SH3RF2: variants seen among roughly 807,000 people sequenced by gnomAD.
SH3RF2 encodes E3 ubiquitin-protein ligase SH3RF2.
A neutral mutation model predicts 59.0 loss-of-function variants in SH3RF2; 43 were observed. The ratio of observed to expected loss-of-function variants is 0.73; its 90% CI spans 0.57 to 0.94. SH3RF2 has a LOEUF of 0.94. Among genes scored for constraint, SH3RF2 ranks in the 40% least tolerant of loss-of-function variants. The probability of loss-of-function intolerance (pLI) is 0.00; values close to 1 mark genes in which losing one functional copy is unlikely to be tolerated. For synonymous variants in SH3RF2, 391 were observed against 391.5 expected, an observed-to-expected ratio of 1.00 and a Z score of 0.01; for missense variants, 930 against 940.1, an observed-to-expected ratio of 0.99 and a Z score of 0.14.
At chr5:145,968,953 A>G (rs1758963047) in intron 2 of SH3RF2, among the ~76,000 whole-genome samples, 1 of 152,186 alleles carries the variant, frequency 6.6e-6, no homozygotes, top group Non-Finnish European at 1.5e-5. Context: ...AGATCTCTGT[A>G]TAGAGAACAT....
intron 2 of SH3RF2, among the ~76,000 whole-genome samples, chr5:145,989,249 A>G (rs1759840501): frequency 6.6e-6 from 1 of 152,232 alleles, no homozygotes; most frequent in Non-Finnish European, 1.5e-5. Context: ...AAGTGTGTAT[A>G]ACACCAAATC....
At chr5:146,064,832 G>GAAAA (rs1167624467), downstream of SH3RF2, among the ~76,000 whole-genome samples, 37 of 13,526 alleles carry the variant, frequency 2.7e-3, 2 homozygotes, top group Middle Eastern at 0.33. Flanking sequence ...AAGAAAGAAA[G>GAAAA]AAAGAAAGAA....
intron 2 of SH3RF2, among the ~76,000 whole-genome samples, chr5:145,986,182 C>T (rs1468002858): frequency 6.6e-6 from 1 of 152,138 alleles, no homozygotes; most frequent in African/African-American, 2.4e-5. Context: ...TCAGGGGCCA[C>T]CTCCAGCCCC....
chr5:145,948,855 T>C (rs73310156), intron 2 of SH3RF2, among the ~76,000 whole-genome samples: 10,952 of 152,308 alleles, frequency 0.072, 1,317 homozygotes, highest in African/African-American at 0.25. Context: ...TGTCTGTTCA[T>C]GTCTCTTTTC....
intron 7 of SH3RF2, among the ~76,000 whole-genome samples, chr5:146,053,510 C>A (rs1762568481): frequency 6.6e-6 from 1 of 152,018 alleles, no homozygotes; most frequent in South Asian, 2.1e-4. Flanking sequence ...AAGGGTCAGT[C>A]TCAGCCAATA....
At chr5:146,062,062 T>A (rs944998973) in intron 9 of SH3RF2, among the ~76,000 whole-genome samples, 1 of 152,118 alleles carries the variant, frequency 6.6e-6, no homozygotes, top group Non-Finnish European at 1.5e-5. Flanking sequence ...TAATAGTACG[T>A]AGAGAGGAGA....
rs1762940457 is a variant in SH3RF2, at chr5:146,062,593, C to T, written c.2082C>T (p.Gly694=). The T allele has an allele frequency of 6.2e-7, 1 of 1,614,078 alleles. No homozygotes were observed. Among genetic ancestry groups the T allele is most frequent in the African/African-American group, 1.3e-5 (1 of 74,934 alleles). ...EMTVLFAHRS[G]CHSGQQTDLR... ...CCGTCCTATTTGCCCACCGAAGTGGCTGCCACTCCGGACAGCAGACAGACC... is the reference window on the plus strand; with the variant it reads ...CCGTCCTATTTGCCCACCGAAGTGGTTGCCACTCCGGACAGCAGACAGACC... Residue 694 remains glycine (G), a synonymous_variant, in exon 10 of 10, where the codon GGC becomes GGT. Coordinates refer to ENST00000359120, the MANE Select transcript of SH3RF2 (RefSeq NM_152550.4).
chr5:145,959,389 A>G (rs1235404011), intron 2 of SH3RF2, among the ~76,000 whole-genome samples: 1 of 152,098 alleles, frequency 6.6e-6, no homozygotes, highest in Non-Finnish European at 1.5e-5. Flanking sequence ...AACTAGCTCA[A>G]ACAAAACTGG....
chr5:146,046,952 C>T (rs1762325940), intron 5 of SH3RF2, among the ~76,000 whole-genome samples: 1 of 152,108 alleles, frequency 6.6e-6, no homozygotes, highest in Non-Finnish European at 1.5e-5. Context: ...GAGATGGGAT[C>T]TTACTATGTT....
intron 5 of SH3RF2, among the ~76,000 whole-genome samples, chr5:146,044,658 C>T (rs1762244248): frequency 6.6e-6 from 1 of 151,834 alleles, no homozygotes; most frequent in Non-Finnish European, 1.5e-5. Flanking sequence ...TCCTTCCTTC[C>T]TCCCTCTGTC....
rs1372176983 is a variant in SH3RF2, at chr5:146,038,526, A to T, written c.1060-9246A>T. 6.6e-5 allele frequency among the ~76,000 whole-genome samples: 10 copies of T among 152,250 alleles called. 1 individual carries two copies. On this transcript the variant is annotated intron_variant, in intron 5 of 9. Coordinates refer to ENST00000359120, the MANE Select transcript of SH3RF2 (RefSeq NM_152550.4). ...AAGAAAGTCAAGTTCATCTCTGTAC[A>T]CTAAATAGAAAAATGATTTTTAAAA...
At chr5:145,972,516 T>A (rs962735109) in intron 2 of SH3RF2, among the ~76,000 whole-genome samples, 2 of 152,140 alleles carry the variant, frequency 1.3e-5, no homozygotes, top group Non-Finnish European at 2.9e-5. Context: ...CTGCTCCCCA[T>A]AGATCAGGCT....
intron 9 of SH3RF2, among the ~76,000 whole-genome samples, chr5:146,069,064 T>C (rs953578591): frequency 6.6e-6 from 1 of 152,160 alleles, no homozygotes; most frequent in Non-Finnish European, 1.5e-5. Flanking sequence ...CCCACACATA[T>C]ACCATATGGA....
intron 5 of SH3RF2, among the ~76,000 whole-genome samples, chr5:146,015,623 C>T (rs576900743): frequency 2.1e-4 from 32 of 152,314 alleles, no homozygotes; most frequent in Non-Finnish European, 4.3e-4. Flanking sequence ...AAGTTGGCTT[C>T]GCAAAAGATT....
intron 2 of SH3RF2, among the ~76,000 whole-genome samples, chr5:145,951,910 T>C (rs755438116): frequency 6.6e-6 from 1 of 152,176 alleles, no homozygotes; most frequent in Non-Finnish European, 1.5e-5. Flanking sequence ...TCTGAAGTTA[T>C]AATAGCTAGT....
At chr5:146,033,486 T>C (rs1429447315) in intron 5 of SH3RF2, among the ~76,000 whole-genome samples, 2 of 132,592 alleles carry the variant, frequency 1.5e-5, no homozygotes, top group Non-Finnish European at 3.2e-5. Context: ...TTTTTTTTTT[T>C]TGAGATGGAG....
intron 5 of SH3RF2, among the ~76,000 whole-genome samples, chr5:146,035,406 C>G (rs546890370): frequency 2.0e-5 from 3 of 151,828 alleles, no homozygotes; most frequent in South Asian, 4.2e-4. Context: ...CCAGCCATCT[C>G]CCCTGAAGTG....
chr5:145,966,668 A>G (rs116551207), intron 2 of SH3RF2, among the ~76,000 whole-genome samples: 1 of 152,170 alleles, frequency 6.6e-6, no homozygotes, highest in Non-Finnish European at 1.5e-5. Context: ...GAACAATCCA[A>G]ATTTTGTGGG....
chr5:146,016,369 TGGATG>T (rs1561743805), intron 5 of SH3RF2, among the ~76,000 whole-genome samples: 6 of 151,248 alleles, frequency 4.0e-5, no homozygotes, highest in African/African-American at 1.2e-4. Flanking sequence ...GATGGATGGA[TGGATG>T]GATGGATGGA....
Sources: gnomAD v4.1 joint callset for allele counts (sites outside exome capture counted in the v4.1 genomes callset) on GRCh38, gnomAD v4.1.1 for gene constraint, MANE v1.5 for transcripts, NCBI Gene and HGNC (gene_info 2026-07-23, HGNC 2026-07-21) for gene names.